The following TRIM67 variants were observed in gnomAD, a reference collection of about 807,000 sequenced individuals.
The protein encoded by TRIM67 is tripartite motif-containing protein 67.
TRIM67 carries 39 observed loss-of-function variants against 71.0 expected under a neutral mutation model. That is an observed-to-expected ratio of 0.55 (90% CI 0.43 to 0.72). TRIM67 has a LOEUF of 0.72. Ranked by LOEUF, TRIM67 falls within the 30% of genes least tolerant of loss-of-function variation. The probability of loss-of-function intolerance (pLI) is 0.00; values close to 1 mark genes in which losing one functional copy is unlikely to be tolerated. For synonymous variants in TRIM67, 481 were observed against 473.9 expected (o/e 1.01, Z -0.19); for missense variants, 973 against 1,079.2 (o/e 0.90, Z 1.38).
chr1:231,213,122 G>A (rs1683919022), intron 8 of TRIM67, among the ~76,000 whole-genome samples: 1 of 152,120 alleles, frequency 6.6e-6, no homozygotes, highest in African/African-American at 2.4e-5. Flanking sequence ...ATCCTCACTT[G>A]CCTAAAACAG....
intron 1 of TRIM67, among the ~76,000 whole-genome samples, chr1:231,172,613 C>T (rs1444099237): frequency 6.6e-6 from 1 of 152,168 alleles, no homozygotes; most frequent in Non-Finnish European, 1.5e-5. Flanking sequence ...ATGTGGACAC[C>T]TGCCAGCACT....
At chr1:231,172,020 CA>C (rs1468213144) in intron 1 of TRIM67, among the ~76,000 whole-genome samples, 63 of 152,246 alleles carry the variant, frequency 4.1e-4, no homozygotes, top group African/African-American at 1.5e-3. Context: ...TGCTTGAGCC[CA>C]GGCTGTGGTG....
intron 7 of TRIM67, among the ~76,000 whole-genome samples, chr1:231,207,251 C>A (rs951406807): frequency 6.6e-6 from 1 of 152,180 alleles, no homozygotes; most frequent in Non-Finnish European, 1.5e-5. Context: ...CAGTCCCAGA[C>A]AAGAAAACTC....
Position 231,187,035 on chromosome 1 carries a change from C to G in TRIM67, c.1045-10336C>G, listed in dbSNP as rs149837247. The stretch of plus-strand genomic sequence containing the variant: ...GCCCATCTCACAAGCATATGGATCT[C>G]GACCAGGAGATCAATCTAAGTCTAA... On this transcript the variant is annotated intron_variant, in intron 1 of 9. Coordinates refer to ENST00000366653, the MANE Select transcript of TRIM67 (RefSeq NM_001004342.5). Among the ~76,000 whole-genome samples, 6 of 152,276 alleles carry G rather than the reference C, an allele frequency of 3.9e-5. No individual in the cohort carries two copies. The East Asian group carries it at 9.7e-4, about 25-fold the overall frequency.
In TRIM67 at chr1:231,201,457, G is replaced by A. The variant is rs1331767127; in HGVS notation, c.1474G>A (p.Asp492Asn). ...KVSAEFDLTLDSEPLLQAIHQ... is the reference protein window; with the variant it reads ...KVSAEFDLTLNSEPLLQAIHQ... Reference sequence around the variant, plus strand: ...GTCTGCGGAGTTTGATCTGACTTTGGACAGCGAGCCGCTGCTGCAGGCCAT... The same window carrying A: ...GTCTGCGGAGTTTGATCTGACTTTGAACAGCGAGCCGCTGCTGCAGGCCAT... Residue 492 changes from aspartate (D) to asparagine (N), a missense_variant, in exon 5 of 10, where the codon GAC (aspartate) becomes AAC (asparagine). Physicochemically the swap from Asp to Asn is conservative, Grantham distance 23 (BLOSUM62 1). Around this residue, in one of 2 missense-constraint regions of TRIM67, gnomAD observed 795 missense variants for 831.3 expected, o/e 0.96. Coordinates refer to ENST00000366653, the MANE Select transcript of TRIM67 (RefSeq NM_001004342.5). 4.3e-6 allele frequency: 7 copies of A among 1,613,682 alleles called. No homozygotes were observed. The highest frequency in any genetic ancestry group is 5.9e-6 in the Non-Finnish European group (7 of 1,179,828).
chr1:231,196,221 G>A (rs1446103686), intron 1 of TRIM67, among the ~76,000 whole-genome samples: 1 of 152,162 alleles, frequency 6.6e-6, no homozygotes, highest in East Asian at 1.9e-4. Flanking sequence ...CCTGGGAGGG[G>A]ACTTGGGGGA....
chr1:231,214,934 A>G (rs1189701727), intron 9 of TRIM67, among the ~76,000 whole-genome samples: 1 of 152,186 alleles, frequency 6.6e-6, no homozygotes. Flanking sequence ...CACCATCTCT[A>G]CCAATGAACA....
At chr1:231,176,371 TC>T (rs1452100916) in intron 1 of TRIM67, among the ~76,000 whole-genome samples, 1 of 152,098 alleles carries the variant, frequency 6.6e-6, no homozygotes, top group Non-Finnish European at 1.5e-5. Context: ...GCAGTGAATT[TC>T]CCCCAGAGAT....
chr1:231,171,311 G>A (rs891100991), intron 1 of TRIM67, among the ~76,000 whole-genome samples: 1 of 152,156 alleles, frequency 6.6e-6, no homozygotes, highest in African/African-American at 2.4e-5. Flanking sequence ...CTGCAAATCT[G>A]TATGAGTCTT....
rs116442151 is a variant in TRIM67, at chr1:231,217,866, G to T, written c.*2426G>T. On this transcript the variant is annotated 3_prime_UTR_variant, in exon 10 of 10. Transcript: ENST00000366653. ...GCAGGAGGGTAATGCCCTCAAATCC[G>T]GTGGCCTCTTTCAGAAAAAAGTTCC... 1.6e-3 allele frequency: 2,118 copies of T among 1,289,610 alleles called. 37 individuals carry two copies. The African/African-American group carries it at 0.029, about 18-fold the overall frequency. The allele number at this position is 1,289,610 out of a possible 1,614,324, so 79.9% of individuals were successfully genotyped here.
Position 231,215,450 on chromosome 1 carries a change from A to C in TRIM67, c.*10A>C, listed in dbSNP as rs368370740. On this transcript the variant is annotated 3_prime_UTR_variant, in exon 10 of 10. Transcript: ENST00000366653. ...GCTGTCAGGCAATTAGCCCCGCTCCAGCTCGGCACTGTGCCTGTGACAGTG... is the reference window on the plus strand; with the variant it reads ...GCTGTCAGGCAATTAGCCCCGCTCCCGCTCGGCACTGTGCCTGTGACAGTG... The C allele has an allele frequency of 1.1e-5, 17 of 1,600,276 alleles. No homozygotes were observed. Among genetic ancestry groups the C allele is most frequent in the Non-Finnish European group, 1.5e-5 (17 of 1,172,054 alleles).
chr1:231,183,029 T>C (rs983164273), intron 1 of TRIM67, among the ~76,000 whole-genome samples: 1 of 152,220 alleles, frequency 6.6e-6, no homozygotes, highest in Non-Finnish European at 1.5e-5. Flanking sequence ...AGGTTGCTCC[T>C]CCCTGCAAGC....
At position 231,220,870 on chromosome 1, in the gene TRIM67, C is replaced by T. The variant is rs1389408228; in HGVS notation, c.*5430C>T. On this transcript the variant is annotated 3_prime_UTR_variant, in exon 10 of 10. Coordinates refer to ENST00000366653, the MANE Select transcript of TRIM67 (RefSeq NM_001004342.5). ...GGCACTGCAGACCAGGCCAGGCCCT[C>T]GGGTAAAGCTCTGAGGAGAGGCCAA... 2 of 152,316 alleles carry T rather than the reference C, an allele frequency of 1.3e-5. No individual in the cohort carries two copies. Among genetic ancestry groups the T allele is most frequent in the South Asian group, 2.1e-4 (1 of 4,820 alleles). 9.4% of individuals were successfully genotyped at this position (152,316 alleles called of 1,614,324 possible).
chr1:231,205,513 G>T (rs887093835), intron 6 of TRIM67, among the ~76,000 whole-genome samples: 1 of 152,112 alleles, frequency 6.6e-6, no homozygotes, highest in East Asian at 1.9e-4. Flanking sequence ...ATCACTTGAG[G>T]TCAGGAGTTT....
chr1:231,187,893 G>C (rs1683129482), intron 1 of TRIM67, among the ~76,000 whole-genome samples: 1 of 152,162 alleles, frequency 6.6e-6, no homozygotes. Context: ...TAAGATGAAA[G>C]CTTGGCTGAT....
rs1239463744 is a variant in TRIM67, at chr1:231,218,388, G to A, written c.*2948G>A. On this transcript the variant is annotated 3_prime_UTR_variant, in exon 10 of 10. Transcript: ENST00000366653. Reference sequence around the variant, plus strand: ...GAATTCAAAGTAGTTTAAAAATGTCGAGTTCCATTGCATTGTAAATAGTGC... The same window carrying A: ...GAATTCAAAGTAGTTTAAAAATGTCAAGTTCCATTGCATTGTAAATAGTGC... 5 of 986,142 alleles carry A rather than the reference G, an allele frequency of 5.1e-6. No individual in the cohort carries two copies. The highest frequency in any genetic ancestry group is 1.2e-4 in the Admixed American group (2 of 16,376). The allele number at this position is 986,142 out of a possible 1,614,324, so 61.1% of individuals were successfully genotyped here.
At position 231,183,557 on chromosome 1, in the gene TRIM67, T is replaced by C. The variant is rs6680261; in HGVS notation, c.1045-13814T>C. Reference sequence around the variant, plus strand: ...TGAGCTCAGGTGTTTAAGCCTGCAGTGCTTCATGATGGCACCACTGCAATC... The same window carrying C: ...TGAGCTCAGGTGTTTAAGCCTGCAGCGCTTCATGATGGCACCACTGCAATC... On this transcript the variant is annotated intron_variant, in intron 1 of 9. Coordinates refer to ENST00000366653, the MANE Select transcript of TRIM67 (RefSeq NM_001004342.5). Among the ~76,000 whole-genome samples the C allele has an allele frequency of 7.3e-3, 1,104 of 152,204 alleles. 19 individuals are homozygous for C. The highest frequency in any genetic ancestry group is 0.025 in the African/African-American group (1,045 of 41,530).
chr1:231,182,406 T>C (rs1479406750), intron 1 of TRIM67, among the ~76,000 whole-genome samples: 1 of 150,982 alleles, frequency 6.6e-6, no homozygotes, highest in Non-Finnish European at 1.5e-5. Context: ...AAAAAACAAA[T>C]TTAAAAAAAA....
intron 1 of TRIM67, among the ~76,000 whole-genome samples, chr1:231,169,991 C>CTTTTTTTTTTTTTTTT (rs1342320930): frequency 3.2e-4 from 42 of 130,242 alleles, no homozygotes; most frequent in African/African-American, 7.0e-4. Context: ...TTTTCTTTCT[C>CTTTTTTTTTTTTTTTT]TCTTTTTTTT....
Sources: allele counts gnomAD v4.1 joint callset (sites outside exome capture counted in the v4.1 genomes callset), GRCh38; gene constraint gnomAD v4.1.1; regional missense constraint gnomAD v4.1.1; transcripts MANE v1.5; gene names NCBI Gene and HGNC (gene_info 2026-07-23, HGNC 2026-07-21).